Variants in GUCY1A2 observed in about 807,000 individuals in gnomAD.
GUCY1A2 encodes the protein guanylate cyclase soluble subunit alpha-2.
A neutral mutation model predicts 63.5 loss-of-function variants in GUCY1A2; 27 were observed. That is an observed-to-expected ratio of 0.43 (90% CI 0.31 to 0.59). GUCY1A2 has a LOEUF of 0.59. GUCY1A2 is among the 20% of genes least tolerant of loss of function. The pLI is 0.11. For missense variants in GUCY1A2, 768 were observed against 913.3 expected (o/e 0.84, Z 2.05); for synonymous variants, 364 against 343.5 (o/e 1.06, Z -0.66).
At chr11:106,899,833 C>A (rs1439032675) in intron 4 of GUCY1A2, among the ~76,000 whole-genome samples, 1 of 152,020 alleles carries the variant, frequency 6.6e-6, no homozygotes, top group Non-Finnish European at 1.5e-5. Context: ...GCCTGTAATC[C>A]CAGCACTTTG....
intron 4 of GUCY1A2, among the ~76,000 whole-genome samples, chr11:106,837,369 C>A (rs1455516928): frequency 2.6e-5 from 4 of 151,940 alleles, no homozygotes; most frequent in Non-Finnish European, 2.9e-5. Flanking sequence ...TGTATATGTA[C>A]CACATTTCTT....
chr11:106,753,676 G>A (rs140680737), intron 6 of GUCY1A2, among the ~76,000 whole-genome samples: 6 of 152,242 alleles, frequency 3.9e-5, no homozygotes, highest in Admixed American at 3.3e-4. Context: ...GATGTGTGGT[G>A]TTATTTCTGA....
intron 3 of GUCY1A2, among the ~76,000 whole-genome samples, chr11:106,972,509 T>C (rs946528706): frequency 1.3e-5 from 2 of 152,064 alleles, no homozygotes; most frequent in Non-Finnish European, 2.9e-5. Context: ...GACAGAAAGC[T>C]GCTAGTGATA....
chr11:106,930,992 G>A (rs976313026), intron 4 of GUCY1A2, among the ~76,000 whole-genome samples: 2 of 152,168 alleles, frequency 1.3e-5, no homozygotes, highest in African/African-American at 4.8e-5. Context: ...TGTAAACAGT[G>A]TTGACCGATA....
chr11:106,724,249 G>A (rs1292035220), intron 6 of GUCY1A2, among the ~76,000 whole-genome samples: 1 of 152,218 alleles, frequency 6.6e-6, no homozygotes, highest in East Asian at 1.9e-4. Context: ...CACATGGCAG[G>A]CAGAATTGGC....
At chr11:106,789,933 G>A (rs1382702101) in intron 5 of GUCY1A2, among the ~76,000 whole-genome samples, 4 of 151,860 alleles carry the variant, frequency 2.6e-5, no homozygotes, top group Admixed American at 2.6e-4. Context: ...ACCAACACTA[G>A]GACAGTGCTG....
At chr11:106,869,514 T>C (rs901823534) in intron 4 of GUCY1A2, among the ~76,000 whole-genome samples, 1 of 152,156 alleles carries the variant, frequency 6.6e-6, no homozygotes, top group Non-Finnish European at 1.5e-5. Flanking sequence ...AAAATGCTCA[T>C]CATCACTGGC....
At chr11:106,927,303 G>A (rs537642088) in intron 4 of GUCY1A2, among the ~76,000 whole-genome samples, 9 of 151,652 alleles carry the variant, frequency 5.9e-5, no homozygotes, top group Non-Finnish European at 1.2e-4. Flanking sequence ...AACCCGGGGG[G>A]CGGAGCTTGC....
At chr11:106,838,580 AAACTATGTATCAG>A (rs1237243338) in intron 4 of GUCY1A2, among the ~76,000 whole-genome samples, 4 of 152,094 alleles carry the variant, frequency 2.6e-5, no homozygotes, top group African/African-American at 9.6e-5. Flanking sequence ...AATTTATCAT[AAACTATGTATCAG>A]AATAATCCCA....
At chr11:106,801,467 A>G (rs927985258) in intron 5 of GUCY1A2, among the ~76,000 whole-genome samples, 5 of 152,126 alleles carry the variant, frequency 3.3e-5, no homozygotes, top group African/African-American at 1.2e-4. Context: ...GCACTAACCT[A>G]TAGTATGTAA....
rs541704257 is a variant in GUCY1A2 at position 106,885,881 on chromosome 11, C to T, written c.1206+53579G>A. On this transcript the variant is annotated intron_variant, in intron 4 of 7. Transcript: ENST00000526355. ...ATGTTATTATTGCCCACAAAATGTG[C>T]GTTGATTGTACATTCCCCCTATTGG... Among the ~76,000 whole-genome samples the T allele has an allele frequency of 1.2e-4, 18 of 152,210 alleles. No homozygotes were observed. The South Asian group carries it at 1.2e-3, about 11-fold the overall frequency.
intron 6 of GUCY1A2, among the ~76,000 whole-genome samples, chr11:106,751,907 C>T (rs560307591): frequency 6.6e-6 from 1 of 152,226 alleles, no homozygotes; most frequent in East Asian, 1.9e-4. Flanking sequence ...TATATTTCTA[C>T]ATTGATAAAT....
intron 7 of GUCY1A2, among the ~76,000 whole-genome samples, chr11:106,704,559 A>C (rs1221007650): frequency 6.6e-6 from 1 of 152,220 alleles, no homozygotes; most frequent in African/African-American, 2.4e-5. Context: ...AACAGAAAGA[A>C]GCCTTTCACA....
In GUCY1A2 at chr11:106,676,831, A is replaced by G. The variant is rs1338491169; in HGVS notation, c.*10718T>C. The stretch of plus-strand genomic sequence containing the variant: ...CTACTTGAAAATAAGAGGTTTTTCT[A>G]ACTTAAGACATTTGTAAGGGGGTAA... On this transcript the variant is annotated 3_prime_UTR_variant, in exon 8 of 8. Transcript: ENST00000526355. The G allele has an allele frequency of 5.0e-6, 1 of 198,780 alleles. No homozygotes were observed. The highest frequency in any genetic ancestry group is 1.0e-5 in the Non-Finnish European group (1 of 96,142). 12.3% of individuals were successfully genotyped at this position (198,780 alleles called of 1,614,324 possible).
chr11:106,808,812 T>C (rs896595956), intron 5 of GUCY1A2, among the ~76,000 whole-genome samples: 2 of 152,112 alleles, frequency 1.3e-5, no homozygotes, highest in Non-Finnish European at 2.9e-5. Context: ...AGTGACAGTT[T>C]AACATTATAG....
rs117345145 is a variant in GUCY1A2 at position 106,795,790 on chromosome 11, A to T, written c.1692+14203T>A. On this transcript the variant is annotated intron_variant, in intron 5 of 7. Coordinates refer to ENST00000526355, the MANE Select transcript of GUCY1A2 (RefSeq NM_000855.3). The stretch of plus-strand genomic sequence containing the variant: ...CACAAATCATTTAAAACTTATTAAT[A>T]GGGAGGCAGCAGCATTGATTTGCAG... 2.1e-3 allele frequency among the ~76,000 whole-genome samples: 315 copies of T among 152,316 alleles called. 10 individuals are homozygous for T. In the East Asian group the frequency reaches 0.05, roughly 24 times the overall value.
At chr11:106,692,393 G>A (rs1862640704) in intron 7 of GUCY1A2, among the ~76,000 whole-genome samples, 1 of 152,202 alleles carries the variant, frequency 6.6e-6, no homozygotes, top group South Asian at 2.1e-4. Flanking sequence ...ATCCACTGCT[G>A]CTTTGGATCA....
intron 3 of GUCY1A2, among the ~76,000 whole-genome samples, chr11:106,942,520 T>C (rs576626203): frequency 6.8e-6 from 1 of 146,854 alleles, no homozygotes; most frequent in East Asian, 2.0e-4. Context: ...AAACTGACCA[T>C]ATATGCTGAA....
chr11:106,828,496 T>C (rs1225248047), intron 4 of GUCY1A2, among the ~76,000 whole-genome samples: 1 of 152,230 alleles, frequency 6.6e-6, no homozygotes, highest in Non-Finnish European at 1.5e-5. Flanking sequence ...TTGTCAAATA[T>C]CAGTTGATTG....
Sources: allele counts gnomAD v4.1 joint callset (sites outside exome capture counted in the v4.1 genomes callset), GRCh38; gene constraint gnomAD v4.1.1; transcripts MANE v1.5; gene names NCBI Gene and HGNC (gene_info 2026-07-23, HGNC 2026-07-21).